The following DGKG variants were observed in gnomAD, a reference collection of about 807,000 sequenced individuals.
DGKG encodes the protein diacylglycerol kinase gamma, also known as DAG kinase gamma.
Under a neutral mutation model 105.3 loss-of-function variants are expected in DGKG, and 78 were observed. The observed-to-expected ratio is 0.74, with a 90% CI of 0.62 to 0.89. DGKG has a LOEUF of 0.89. DGKG is among the 40% of genes least tolerant of loss of function. The pLI is 0.00. For missense variants in DGKG, 958 were observed against 1,020.1 expected (o/e 0.94, Z 0.83); for synonymous variants, 346 against 367.1 (o/e 0.94, Z 0.66).
At chr3:186,259,678 TGCAG>T (rs1721660560) in intron 16 of DGKG, among the ~76,000 whole-genome samples, 1 of 151,988 alleles carries the variant, frequency 6.6e-6, no homozygotes, top group South Asian at 2.1e-4. Context: ...GCCCAGAGTA[TGCAG>T]ACAGCCCCGG....
In DGKG at chr3:186,161,696, GC is replaced by G; in HGVS notation, c.2217-34del. On this transcript the variant is annotated intron_variant, in intron 23 of 24. Transcript: ENST00000265022. ...CCAGAACACCAAGAGAACACAGTGA[GC>G]TTTTTCAAGTGGGAGAATCAAGGTT... 3 of 1,613,976 alleles carry G rather than the reference GC, an allele frequency of 1.9e-6. No individual in the cohort carries two copies. In the South Asian group the frequency reaches 3.3e-5, roughly 18 times the overall value.
chr3:186,240,143 C>T (rs1720612069), intron 20 of DGKG, among the ~76,000 whole-genome samples: 1 of 152,168 alleles, frequency 6.6e-6, no homozygotes, highest in Non-Finnish European at 1.5e-5. Flanking sequence ...ATACTGCACC[C>T]TCTCACTCCT....
intron 18 of DGKG, among the ~76,000 whole-genome samples, chr3:186,252,284 T>G (rs1721264095): frequency 6.6e-6 from 1 of 152,226 alleles, no homozygotes; most frequent in Admixed American, 6.5e-5. Flanking sequence ...GGCAGAATTT[T>G]AAGATGGCCG....
rs573766381 is a variant in DGKG, at chr3:186,309,435, T to C, written c.68-2458A>G. ...GATTTTTTTGAGTGGTGAAATAATA[T>C]AACCAGCTCTCTGTTTTCTAAAGAC... On this transcript the variant is annotated intron_variant, in intron 2 of 24. Coordinates refer to ENST00000265022, the MANE Select transcript of DGKG (RefSeq NM_001346.3). Among the ~76,000 whole-genome samples the C allele has an allele frequency of 1.7e-3, 265 of 152,326 alleles. 1 individual carries two copies. The highest frequency in any genetic ancestry group is 2.3e-3 in the Non-Finnish European group (157 of 68,028).
intron 2 of DGKG, among the ~76,000 whole-genome samples, chr3:186,313,859 C>T (rs984282587): frequency 9.2e-5 from 14 of 152,088 alleles, no homozygotes; most frequent in African/African-American, 3.1e-4. Flanking sequence ...ATAGAAGCAA[C>T]TAGATATGAC....
At chr3:186,293,514 C>T (rs1312911102) in intron 5 of DGKG, among the ~76,000 whole-genome samples, 1 of 152,198 alleles carries the variant, frequency 6.6e-6, no homozygotes, top group Non-Finnish European at 1.5e-5. Context: ...CCCAGTTAGT[C>T]CTGGGCCTTC....
At chr3:186,274,857 T>C (rs1025573265) in intron 10 of DGKG, among the ~76,000 whole-genome samples, 5 of 152,166 alleles carry the variant, frequency 3.3e-5, no homozygotes, top group Non-Finnish European at 7.3e-5. Context: ...TACGTGTGCA[T>C]GTGTCTTTAT....
At chr3:186,218,906 G>A (rs541836813) in intron 20 of DGKG, among the ~76,000 whole-genome samples, 24 of 152,228 alleles carry the variant, frequency 1.6e-4, no homozygotes, top group Non-Finnish European at 3.4e-4. Flanking sequence ...TGGGTTATTA[G>A]CGGTGTTATT....
intron 20 of DGKG, among the ~76,000 whole-genome samples, chr3:186,230,441 T>C (rs1720096332): frequency 1.3e-5 from 2 of 151,964 alleles, no homozygotes; most frequent in South Asian, 4.2e-4. Context: ...GTTGAGGGAT[T>C]GAGGGAATGA....
intron 1 of DGKG, among the ~76,000 whole-genome samples, chr3:186,338,705 A>T (rs1004334288): frequency 2.0e-5 from 3 of 152,150 alleles, no homozygotes; most frequent in African/African-American, 7.2e-5. Context: ...CTTTTTAAAA[A>T]TTTGAAGGAA....
chr3:186,232,448 G>T (rs1408896555), intron 20 of DGKG, among the ~76,000 whole-genome samples: 45 of 152,240 alleles, frequency 3.0e-4, no homozygotes, highest in Admixed American at 2.9e-3. Context: ...GAGCCTGAAT[G>T]ACTTATATAA....
chr3:186,353,297 G>A (rs964604745), intron 1 of DGKG, among the ~76,000 whole-genome samples: 4 of 151,884 alleles, frequency 2.6e-5, no homozygotes, highest in African/African-American at 7.3e-5. Flanking sequence ...TTAGGAGGGT[G>A]GATCATCTGA....
chr3:186,355,416 C>T (rs990129412), intron 1 of DGKG, among the ~76,000 whole-genome samples: 1 of 151,300 alleles, frequency 6.6e-6, no homozygotes, highest in South Asian at 2.1e-4. Flanking sequence ...CCACCACCAC[C>T]ACCACCATGA....
intron 22 of DGKG, among the ~76,000 whole-genome samples, chr3:186,171,144 A>G (rs958698316): frequency 1.3e-5 from 2 of 152,148 alleles, no homozygotes; most frequent in Non-Finnish European, 2.9e-5. Context: ...TCACCCAACA[A>G]CTGTCTCTGT....
At chr3:186,221,100 A>G (rs1003138024) in intron 20 of DGKG, among the ~76,000 whole-genome samples, 2 of 152,240 alleles carry the variant, frequency 1.3e-5, no homozygotes, top group African/African-American at 4.8e-5. Context: ...ATGTGCTCGC[A>G]GACACTGCCC....
intron 21 of DGKG, among the ~76,000 whole-genome samples, chr3:186,209,593 G>C (rs770708320): frequency 6.6e-6 from 1 of 152,080 alleles, no homozygotes; most frequent in South Asian, 2.1e-4. Flanking sequence ...CTGGTGGGTC[G>C]TGTGCTGGTT....
chr3:186,153,328 C>T (rs936571355), intron 24 of DGKG, among the ~76,000 whole-genome samples: 2 of 152,110 alleles, frequency 1.3e-5, no homozygotes, highest in East Asian at 3.9e-4. Context: ...GTGGCTAAGC[C>T]TGCCTTTTCA....
chr3:186,355,275 A>AACAACACCACTATC (rs1726875759), intron 1 of DGKG, among the ~76,000 whole-genome samples: 2 of 72,518 alleles, frequency 2.8e-5, no homozygotes, highest in Non-Finnish European at 3.4e-5. Context: ...CACTACCACC[A>AACAACACCACTATC]GCACGATCAT....
chr3:186,211,361 G>C (rs1359810824), intron 21 of DGKG, among the ~76,000 whole-genome samples: 1 of 152,190 alleles, frequency 6.6e-6, no homozygotes, highest in Non-Finnish European at 1.5e-5. Context: ...GGTCAGCTGG[G>C]GGATGTCTGG....
Sources: allele counts gnomAD v4.1 joint callset (sites outside exome capture counted in the v4.1 genomes callset), GRCh38; gene constraint gnomAD v4.1.1; transcripts MANE v1.5; gene names NCBI Gene and HGNC (gene_info 2026-07-23, HGNC 2026-07-21).